Variants in EFEMP1 observed in about 807,000 individuals in gnomAD.
EFEMP1 encodes EGF-like fibulin extracellular matrix protein 1, also known as EGF-containing fibulin-like extracellular matrix protein 1.
EFEMP1 carries 18 observed loss-of-function variants against 65.7 expected under a neutral mutation model. The ratio of observed to expected loss-of-function variants is 0.27; its 90% CI spans 0.19 to 0.41. The LOEUF is 0.41. Among genes scored for constraint, EFEMP1 ranks in the 10% least tolerant of loss-of-function variants. The pLI is 1.00. For missense variants in EFEMP1, 469 were observed against 624.8 expected (o/e 0.75, Z 2.66); for synonymous variants, 237 against 219.7 (o/e 1.08, Z -0.70).
At chr2:55,888,449 T>C (rs1669510237) in intron 5 of EFEMP1, among the ~76,000 whole-genome samples, 1 of 149,540 alleles carries the variant, frequency 6.7e-6, no homozygotes, top group Admixed American at 6.7e-5. Flanking sequence ...GCGATTCTCC[T>C]GACTCAGCCT....
chr2:55,914,740 C>G (rs1328872054), intron 5 of EFEMP1, among the ~76,000 whole-genome samples: 1 of 152,114 alleles, frequency 6.6e-6, no homozygotes, highest in Non-Finnish European at 1.5e-5. Context: ...ATCCAGTAGA[C>G]CATAGGAAAT....
chr2:55,909,044 G>C (rs1312038218), intron 5 of EFEMP1, among the ~76,000 whole-genome samples: 1 of 152,114 alleles, frequency 6.6e-6, no homozygotes, highest in Non-Finnish European at 1.5e-5. Context: ...TTAAAACGGG[G>C]ACAAGGTATC....
At position 55,867,196 on chromosome 2, in the gene EFEMP1, C is replaced by T; in HGVS notation, c.1359G>A (p.Lys453=). The change falls in exon 12 of 12, where the codon AAG becomes AAA. Residue 453 remains lysine, a synonymous_variant. Coordinates refer to ENST00000355426, the MANE Select transcript of EFEMP1 (RefSeq NM_001039348.3). The surrounding 1 kb of genome is among the most constrained non-coding windows in gnomAD (Gnocchi z 4.3). ...TATGTTCTCTTGGTCCTGATAATGA[C>T]TTCACGAGCACAAGCATTGCACTTA... is the stretch of plus-strand genomic sequence containing the variant. ...SPVSAMLVLV[K]SLSGPREHIV... is the part of the protein sequence containing the mutation. 1 of 1,613,948 alleles carries T rather than the reference C, an allele frequency of 6.2e-7. No individual in the cohort carries two copies. The highest frequency in any genetic ancestry group is 8.5e-7 in the Non-Finnish European group (1 of 1,179,932).
Position 55,873,968 on chromosome 2 carries a change from G to C in EFEMP1, c.1000+978C>G, listed in dbSNP as rs1286626527. Among the ~76,000 whole-genome samples the C allele has an allele frequency of 6.7e-6, 1 of 148,642 alleles. No homozygotes were observed. The highest frequency in any genetic ancestry group is 2.6e-5 in the African/African-American group (1 of 39,190). ...AGACGTACTACTGGTCACTTACATT[G>C]GTAAGTAAATTTCATAAAAACACCT... On this transcript the variant is annotated intron_variant, in intron 9 of 11. Transcript: ENST00000355426. The surrounding 1 kb of genome is among the most constrained non-coding windows in gnomAD (Gnocchi z 4.6).
Position 55,907,790 on chromosome 2 carries a change from A to C in EFEMP1, c.517+9875T>G, listed in dbSNP as rs941181397. Among the ~76,000 whole-genome samples, 7 of 152,330 alleles carry C rather than the reference A, an allele frequency of 4.6e-5. No individual in the cohort carries two copies. The East Asian group carries it at 1.4e-3, about 29-fold the overall frequency. The stretch of plus-strand genomic sequence containing the variant: ...GTTCTGTGGCTTCACTCAAGGGAGT[A>C]GGATTGGATTCCTTGCAACACACAA... On this transcript the variant is annotated intron_variant, in intron 5 of 11. Transcript: ENST00000355426.
At chr2:55,914,678 A>G (rs1670609450) in intron 5 of EFEMP1, among the ~76,000 whole-genome samples, 1 of 152,230 alleles carries the variant, frequency 6.6e-6, no homozygotes, top group African/African-American at 2.4e-5. Context: ...TACATAGAAA[A>G]AAGAAATAAT....
At position 55,922,430 on chromosome 2, in the gene EFEMP1, G is replaced by A; in HGVS notation, c.11C>T (p.Ala4Val). 1 of 1,613,708 alleles carries A rather than the reference G, an allele frequency of 6.2e-7. No individual in the cohort carries two copies. The highest frequency in any genetic ancestry group is 8.5e-7 in the Non-Finnish European group (1 of 1,179,716). MLK[A>V]LFLTMLTLAL... ...CAGAGTCAGCATAGTTAGGAAAAGG[G>A]CTTTCAACATTGTGAATCTCAAAGA... Residue 4 changes from alanine to valine, a missense_variant, in exon 3 of 12, where the codon GCC becomes GTC. Coordinates refer to ENST00000355426, the MANE Select transcript of EFEMP1 (RefSeq NM_001039348.3). This position sits in a 1 kb window ranked among gnomAD's most constrained non-coding sequence, Gnocchi z 5.5.
At chr2:55,906,106 A>C (rs1333664605) in intron 5 of EFEMP1, among the ~76,000 whole-genome samples, 1 of 152,130 alleles carries the variant, frequency 6.6e-6, no homozygotes, top group Non-Finnish European at 1.5e-5. Flanking sequence ...CACGACAATT[A>C]AATTTCCTTC....
chr2:55,879,693 C>G (rs1295941188), intron 6 of EFEMP1, among the ~76,000 whole-genome samples: 1 of 152,022 alleles, frequency 6.6e-6, no homozygotes, highest in African/African-American at 2.4e-5. Flanking sequence ...GTATGGGACA[C>G]AGGGAGCACC....
Position 55,917,646 on chromosome 2 carries a change from G to A in EFEMP1, c.517+19C>T. 1 of 1,614,072 alleles carries A rather than the reference G, an allele frequency of 6.2e-7. No homozygotes were observed. The highest frequency in any genetic ancestry group is 8.5e-7 in the Non-Finnish European group (1 of 1,179,954). ...TTGGGCAAAAGCTTTCAATGGTTAGGAAAATAAGTTATTCCTACCTTGGCA... is the reference window on the plus strand; with the variant it reads ...TTGGGCAAAAGCTTTCAATGGTTAGAAAAATAAGTTATTCCTACCTTGGCA... On this transcript the variant is annotated intron_variant, in intron 5 of 11. Coordinates refer to ENST00000355426, the MANE Select transcript of EFEMP1 (RefSeq NM_001039348.3). The surrounding 1 kb of genome is among the most constrained non-coding windows in gnomAD (Gnocchi z 6.3).
At chr2:55,884,714 T>C (rs73940334) in intron 5 of EFEMP1, among the ~76,000 whole-genome samples, 2,108 of 152,306 alleles carry the variant, frequency 0.014, 54 homozygotes, top group African/African-American at 0.047. Flanking sequence ...CAAATTACTA[T>C]GGGGAGAAAT....
chr2:55,905,233 AT>A (rs1670208445), intron 5 of EFEMP1, among the ~76,000 whole-genome samples: 1 of 152,104 alleles, frequency 6.6e-6, no homozygotes, highest in South Asian at 2.1e-4. Context: ...TATGGAGAAA[AT>A]GAAAAATACC....
In EFEMP1 at chr2:55,867,520, A is replaced by G. The variant is rs1265722733; in HGVS notation, c.1321-286T>C. The stretch of plus-strand genomic sequence containing the variant: ...ACATTTTTCTTCACTTTTATTGAGT[A>G]GTTGTGGACTTTACAGAGACTAGAG... On this transcript the variant is annotated intron_variant, in intron 11 of 11. Coordinates refer to ENST00000355426, the MANE Select transcript of EFEMP1 (RefSeq NM_001039348.3). The surrounding 1 kb of genome is among the most constrained non-coding windows in gnomAD (Gnocchi z 4.3). 6.6e-6 allele frequency among the ~76,000 whole-genome samples: 1 copy of G among 150,450 alleles called. No individual in the cohort carries two copies. Among genetic ancestry groups the G allele is most frequent in the Non-Finnish European group, 1.5e-5 (1 of 67,720 alleles).
rs190695188 is a variant in EFEMP1 at position 55,873,764 on chromosome 2, G to A, written c.1000+1182C>T. On this transcript the variant is annotated intron_variant, in intron 9 of 11. Transcript: ENST00000355426. This position sits in a 1 kb window ranked among gnomAD's most constrained non-coding sequence, Gnocchi z 4.6. ...GGTTGGAGTCTAGTCGAAAAATTGTGTGCCTATTATAAAATCCCAGGTAAT... is the reference window on the plus strand; with the variant it reads ...GGTTGGAGTCTAGTCGAAAAATTGTATGCCTATTATAAAATCCCAGGTAAT... 1.7e-4 allele frequency among the ~76,000 whole-genome samples: 26 copies of A among 152,032 alleles called. No homozygotes were observed. The highest frequency in any genetic ancestry group is 1.6e-3 in the Admixed American group (24 of 15,246).
rs1490067674 is a variant in EFEMP1 at position 55,883,010 on chromosome 2, C to T, written c.518-1276G>A. 6.6e-6 allele frequency among the ~76,000 whole-genome samples: 1 copy of T among 152,122 alleles called. No homozygotes were observed. On this transcript the variant is annotated intron_variant, in intron 5 of 11. Transcript: ENST00000355426. The surrounding 1 kb of genome is among the most constrained non-coding windows in gnomAD (Gnocchi z 4.5). The stretch of plus-strand genomic sequence containing the variant: ...ATTTTCAAGGAGGACTGCGCATTTA[C>T]ACTATGCAGTATAATAATATATGAA...
chr2:55,908,133 C>A (rs1670350975), intron 5 of EFEMP1, among the ~76,000 whole-genome samples: 1 of 152,206 alleles, frequency 6.6e-6, no homozygotes, highest in African/African-American at 2.4e-5. Context: ...GAAAACTCTT[C>A]TTTTAAATCA....
intron 5 of EFEMP1, among the ~76,000 whole-genome samples, chr2:55,916,059 A>C (rs923430149): frequency 6.6e-6 from 1 of 152,148 alleles, no homozygotes; most frequent in Non-Finnish European, 1.5e-5. Context: ...TAAAGCTTAC[A>C]AACAAAATAT....
rs566439779 is a variant in EFEMP1 at position 55,886,511 on chromosome 2, A to G, written c.518-4777T>C. Among the ~76,000 whole-genome samples the G allele has an allele frequency of 4.9e-4, 74 of 152,310 alleles. No homozygotes were observed. The South Asian group carries it at 0.015, about 31-fold the overall frequency. ...AACCTTATTATACCTAGCTTCCTCA[A>G]TCAAACTGATTTAATCTCATAAATG... On this transcript the variant is annotated intron_variant, in intron 5 of 11. Transcript: ENST00000355426. The surrounding 1 kb of genome is among the most constrained non-coding windows in gnomAD (Gnocchi z 4.0).
intron 5 of EFEMP1, among the ~76,000 whole-genome samples, chr2:55,904,482 A>G (rs1670167974): frequency 6.6e-6 from 1 of 152,170 alleles, no homozygotes; most frequent in Admixed American, 6.5e-5. Flanking sequence ...CAGAATAGAC[A>G]GCATTTGAAT....
Sources: allele counts gnomAD v4.1 joint callset (sites outside exome capture counted in the v4.1 genomes callset), GRCh38; gene constraint gnomAD v4.1.1; non-coding constraint Gnocchi (gnomAD v3.1); transcripts MANE v1.5; gene names NCBI Gene and HGNC (gene_info 2026-07-23, HGNC 2026-07-21).